The following DGUOK variants were observed in gnomAD, a reference collection of about 807,000 sequenced individuals.
DGUOK encodes the protein deoxyguanosine kinase.
DGUOK carries 30 observed loss-of-function variants against 36.6 expected under a neutral mutation model. The observed-to-expected ratio is 0.82, with a 90% CI of 0.61 to 1.11. The LOEUF (loss-of-function observed/expected upper bound fraction) is 1.11. Among genes scored for constraint, DGUOK ranks in the 50% most tolerant of loss-of-function variants. The pLI is 0.00. For missense variants in DGUOK, 361 were observed against 336.4 expected, an observed-to-expected ratio of 1.07 and a Z score of -0.57; for synonymous variants, 145 against 126.3, an observed-to-expected ratio of 1.15 and a Z score of -0.99.
chr2:73,957,629 G>A (rs1314963637), intron 5 of DGUOK, among the ~76,000 whole-genome samples: 1 of 152,162 alleles, frequency 6.6e-6, no homozygotes, highest in South Asian at 2.1e-4. Flanking sequence ...AGCCGAGATC[G>A]CACCACTGTA....
chr2:73,927,785 C>A (rs1165968871), intron 1 of DGUOK, among the ~76,000 whole-genome samples: 1 of 152,194 alleles, frequency 6.6e-6, no homozygotes, highest in African/African-American at 2.4e-5. Flanking sequence ...CAAAGCATTT[C>A]GATTTAATAT....
chr2:73,957,966 C>G (rs760742902), intron 5 of DGUOK, 180 bp from the exon 6 acceptor site: 5 of 542,298 alleles, frequency 9.2e-6, no homozygotes, highest in Non-Finnish European at 1.7e-5. Flanking sequence ...AAACCTCAAC[C>G]TTTCTGTTTC....
chr2:73,952,118 G>A (rs1332757131), intron 4 of DGUOK, among the ~76,000 whole-genome samples: 1 of 152,228 alleles, frequency 6.6e-6, no homozygotes, highest in Non-Finnish European at 1.5e-5. Flanking sequence ...ACAGTGAGCT[G>A]TGATCGTGCC....
At chr2:73,927,941 A>G (rs1680730054) in intron 1 of DGUOK, among the ~76,000 whole-genome samples, 1 of 152,190 alleles carries the variant, frequency 6.6e-6, no homozygotes, top group African/African-American at 2.4e-5. Context: ...AGCCACTTCC[A>G]TATGCCAGCA....
intron 3 of DGUOK, 123 bp from the exon 4 acceptor site, chr2:73,950,462 A>T: frequency 2.0e-6 from 2 of 1,007,366 alleles, no homozygotes; most frequent in Admixed American, 1.7e-5. Context: ...TAGAAAGGTT[A>T]AGTGGTTTGA....
intron 4 of DGUOK, among the ~76,000 whole-genome samples, chr2:73,951,379 C>A (rs928670160): frequency 6.6e-6 from 1 of 151,952 alleles, no homozygotes; most frequent in African/African-American, 2.4e-5. Flanking sequence ...TGGAGAGATC[C>A]TTGCCTGTAA....
chr2:73,928,992 T>C (rs2104854632), intron 1 of DGUOK, among the ~76,000 whole-genome samples: 2 of 152,326 alleles, frequency 1.3e-5, no homozygotes, highest in Middle Eastern at 6.8e-3. Flanking sequence ...TGGTGACAGG[T>C]TGAATGCAGA....
chr2:73,957,955 G>C, intron 5 of DGUOK, 191 bp from the exon 6 acceptor site: 1 of 515,060 alleles, frequency 1.9e-6, no homozygotes, highest in Non-Finnish European at 3.6e-6. Flanking sequence ...AGAATGAAGA[G>C]AAACCTCAAC....
chr2:73,950,867 A>C (rs1573560271), intron 4 of DGUOK, 135 bp downstream of exon 4: 1 of 1,212,936 alleles, frequency 8.2e-7, no homozygotes, highest in Non-Finnish European at 1.2e-6. Context: ...AGTGGGGGAC[A>C]CCCTCCTGTC....
chr2:73,957,505 C>T (rs1385828036), intron 5 of DGUOK, among the ~76,000 whole-genome samples: 2 of 152,092 alleles, frequency 1.3e-5, no homozygotes, highest in African/African-American at 4.8e-5. Flanking sequence ...GAAACCCTGT[C>T]TCTACTAAAA....
intron 1 of DGUOK, among the ~76,000 whole-genome samples, chr2:73,935,574 A>G (rs1001137133): frequency 2.6e-5 from 4 of 152,134 alleles, no homozygotes; most frequent in Non-Finnish European, 4.4e-5. Context: ...TTATTTTTTA[A>G]AGTAATTATT....
intron 3 of DGUOK, 37 bp from the exon 4 acceptor site, chr2:73,950,548 C>T: frequency 6.2e-7 from 1 of 1,612,150 alleles, no homozygotes; most frequent in Non-Finnish European, 8.5e-7. Flanking sequence ...ATTTCCCATT[C>T]TCCTGCCCTC....
chr2:73,943,349 A>G (rs1682043771), intron 2 of DGUOK, among the ~76,000 whole-genome samples: 1 of 144,092 alleles, frequency 6.9e-6, no homozygotes, highest in African/African-American at 2.6e-5. Context: ...TTTTGTAGAG[A>G]TAGGGTCTCA....
At chr2:73,932,929 A>G (rs1054048439) in intron 1 of DGUOK, among the ~76,000 whole-genome samples, 5 of 152,212 alleles carry the variant, frequency 3.3e-5, no homozygotes, top group African/African-American at 4.8e-5. Flanking sequence ...CCTACAGTGT[A>G]TTATCATCTT....
chr2:73,950,602 A>G lies in DGUOK; in HGVS notation c.461A>G (p.Asn154Ser). Residue 154 changes from asparagine (N) to serine (S), a missense_variant, in exon 4 of 7, where the codon AAT (asparagine) becomes AGT (serine). By Grantham distance (46) the Asn-to-Ser change is conservative. Coordinates refer to ENST00000264093, the MANE Select transcript of DGUOK (RefSeq NM_080916.3). ...VYSDRYIFAK[N>S]LFENGSLSDI... ...CCAACCAGGTATATCTTTGCAAAGA[A>G]TCTTTTTGAAAATGGTTCCCTCAGT... 2 of 1,614,108 alleles carry G rather than the reference A, an allele frequency of 1.2e-6. No homozygotes were observed. Among genetic ancestry groups the G allele is most frequent in the Non-Finnish European group, 8.5e-7 (1 of 1,180,024 alleles).
intron 4 of DGUOK, among the ~76,000 whole-genome samples, chr2:73,954,132 A>T (rs564335762): frequency 6.6e-6 from 1 of 152,030 alleles, no homozygotes; most frequent in Admixed American, 6.6e-5. Flanking sequence ...GCTTGAGCCC[A>T]GGAGTTTAAG....
chr2:73,958,844 G>A lies in DGUOK; in HGVS notation c.*108G>A. On this transcript the variant is annotated 3_prime_UTR_variant, in exon 7 of 7. Coordinates refer to ENST00000264093, the MANE Select transcript of DGUOK (RefSeq NM_080916.3). ...CCATCCCCAGCCCCTCTCATCCCTG[G>A]AGCACTCTGCCGCTCAAGAGCTGGT... is the stretch of plus-strand genomic sequence containing the variant. 1.1e-6 allele frequency: 1 copy of A among 934,348 alleles called. No homozygotes were observed. Among genetic ancestry groups the A allele is most frequent in the Non-Finnish European group, 1.8e-6 (1 of 564,654 alleles). 57.9% of individuals were successfully genotyped at this position (934,348 alleles called of 1,614,324 possible). A position where few individuals can be genotyped will look rare whatever the true frequency, so the allele number is the denominator to read the frequency against.
At chr2:73,933,658 ATG>A (rs1336898695) in intron 1 of DGUOK, among the ~76,000 whole-genome samples, 1 of 152,110 alleles carries the variant, frequency 6.6e-6, no homozygotes. Flanking sequence ...TCAAAGTAAA[ATG>A]TATTAAGTTT....
At chr2:73,930,214 A>T (rs1680905025) in intron 1 of DGUOK, among the ~76,000 whole-genome samples, 2 of 152,222 alleles carry the variant, frequency 1.3e-5, no homozygotes, top group African/African-American at 2.4e-5. Flanking sequence ...AAGTAGGAAG[A>T]AAGGTCATCA....
Sources: gnomAD v4.1 joint callset for allele counts (sites outside exome capture counted in the v4.1 genomes callset) on GRCh38, gnomAD v4.1.1 for gene constraint, MANE v1.5 for transcripts, NCBI Gene and HGNC (gene_info 2026-07-23, HGNC 2026-07-21) for gene names.